The following DRC11 variants were observed in gnomAD, a reference collection of about 807,000 sequenced individuals.
The protein encoded by DRC11 is dynein regulatory complex subunit 11.
At chr2:236,390,817 G>T in the DRC11 span, among the ~76,000 whole-genome samples, 1 of 152,274 alleles carries the variant, frequency 6.6e-6, no homozygotes, top group Admixed American at 6.5e-5. This position sits in a 1 kb window ranked among gnomAD's most constrained non-coding sequence, Gnocchi z 5.9. Context: ...GGGTGGGCCT[G>T]GTGTCAGGGT....
At chr2:236,459,459 A>C in the DRC11 span, among the ~76,000 whole-genome samples, 3 of 149,626 alleles carry the variant, frequency 2.0e-5, no homozygotes, top group Non-Finnish European at 3.0e-5. Context: ...TTGGAGAAAG[A>C]ATTCCTAAAA....
the DRC11 span, among the ~76,000 whole-genome samples, chr2:236,316,451 C>T: frequency 2.0e-5 from 3 of 152,172 alleles, no homozygotes; most frequent in Non-Finnish European, 4.4e-5. The surrounding 1 kb of genome is among the most constrained non-coding windows in gnomAD (Gnocchi z 6.8). Context: ...GCATGAGCCA[C>T]CGCAAGAACT....
chr2:236,313,984 G>C, the DRC11 span, among the ~76,000 whole-genome samples: 15 of 152,240 alleles, frequency 9.9e-5, no homozygotes, highest in African/African-American at 3.1e-4. The surrounding 1 kb of genome is among the most constrained non-coding windows in gnomAD (Gnocchi z 4.5). Context: ...TTGTTCTTTT[G>C]TATCTTGGCT....
the DRC11 span, chr2:236,380,487 C>T: frequency 9.2e-7 from 1 of 1,092,648 alleles, no homozygotes; most frequent in Non-Finnish European, 1.4e-6. This position sits in a 1 kb window ranked among gnomAD's most constrained non-coding sequence, Gnocchi z 4.9. Context: ...CGTGGCATCA[C>T]AGAGGGGGCG....
the DRC11 span, among the ~76,000 whole-genome samples, chr2:236,450,183 G>C: frequency 6.6e-6 from 1 of 151,806 alleles, no homozygotes; most frequent in African/African-American, 2.4e-5. Context: ...TTTGATTATT[G>C]ACTTTATAAT....
chr2:236,446,222 G>A, the DRC11 span, among the ~76,000 whole-genome samples: 3 of 152,132 alleles, frequency 2.0e-5, no homozygotes, highest in Non-Finnish European at 4.4e-5. The surrounding 1 kb of genome is among the most constrained non-coding windows in gnomAD (Gnocchi z 6.2). Context: ...GTTGTTAATC[G>A]TAAGGAAGCT....
At chr2:236,307,907 A>G in the DRC11 span, among the ~76,000 whole-genome samples, 1 of 152,120 alleles carries the variant, frequency 6.6e-6, no homozygotes, top group African/African-American at 2.4e-5. The surrounding 1 kb of genome is among the most constrained non-coding windows in gnomAD (Gnocchi z 7.0). Context: ...GTGTCCTCAT[A>G]TGCTTGCGGG....
At chr2:236,475,881 A>G in the DRC11 span, among the ~76,000 whole-genome samples, 1 of 152,184 alleles carries the variant, frequency 6.6e-6, no homozygotes, top group African/African-American at 2.4e-5. The surrounding 1 kb of genome is among the most constrained non-coding windows in gnomAD (Gnocchi z 4.8). Context: ...AATTGGCTGT[A>G]AATGCATGGA....
the DRC11 span, among the ~76,000 whole-genome samples, chr2:236,371,098 G>A: frequency 6.6e-6 from 1 of 152,098 alleles, no homozygotes; most frequent in Admixed American, 6.5e-5. The surrounding 1 kb of genome is among the most constrained non-coding windows in gnomAD (Gnocchi z 5.1). Flanking sequence ...ACATCCATCC[G>A]GGCAACCACA....
chr2:236,432,872 T>TC, the DRC11 span, among the ~76,000 whole-genome samples: 4 of 152,180 alleles, frequency 2.6e-5, no homozygotes, highest in Non-Finnish European at 5.9e-5. Flanking sequence ...TTTCTTAGCT[T>TC]CTTCTAGTCC....
the DRC11 span, among the ~76,000 whole-genome samples, chr2:236,325,314 A>T: frequency 6.6e-6 from 1 of 152,168 alleles, no homozygotes; most frequent in African/African-American, 2.4e-5. The surrounding 1 kb of genome is among the most constrained non-coding windows in gnomAD (Gnocchi z 4.4). Flanking sequence ...GGGTTTATAA[A>T]CTTTATAGTA....
chr2:236,404,213 GA>G, the DRC11 span, among the ~76,000 whole-genome samples: 3 of 145,976 alleles, frequency 2.1e-5, no homozygotes, highest in South Asian at 2.2e-4. Flanking sequence ...AAAGAAAAAA[GA>G]AAAAAAATCC....
At chr2:236,357,643 A>AATATATAAT in the DRC11 span, among the ~76,000 whole-genome samples, 1 of 41,438 alleles carries the variant, frequency 2.4e-5, no homozygotes, top group Non-Finnish European at 4.8e-5. Context: ...ATAATATGTA[A>AATATATAAT]ATATATAAAT....
At chr2:236,310,302 A>T in the DRC11 span, among the ~76,000 whole-genome samples, 14 of 152,294 alleles carry the variant, frequency 9.2e-5, no homozygotes, top group African/African-American at 3.4e-4. This position sits in a 1 kb window ranked among gnomAD's most constrained non-coding sequence, Gnocchi z 5.5. Flanking sequence ...GGAGGATGGC[A>T]CAGAAACATC....
At chr2:236,468,241 C>A in the DRC11 span, among the ~76,000 whole-genome samples, 1 of 152,214 alleles carries the variant, frequency 6.6e-6, no homozygotes, top group South Asian at 2.1e-4. Context: ...CAGGTGCACA[C>A]CACCACACCT....
the DRC11 span, among the ~76,000 whole-genome samples, chr2:236,413,733 T>C: frequency 6.6e-6 from 1 of 152,344 alleles, no homozygotes; most frequent in East Asian, 1.9e-4. This position sits in a 1 kb window ranked among gnomAD's most constrained non-coding sequence, Gnocchi z 4.0. Flanking sequence ...GGAGTGCATT[T>C]AGAGAAGACT....
the DRC11 span, among the ~76,000 whole-genome samples, chr2:236,459,534 C>CGT: frequency 4.1e-4 from 29 of 70,096 alleles, 1 homozygote; most frequent in African/African-American, 2.8e-4. Flanking sequence ...TACATGTATA[C>CGT]GTATACGTAT....
chr2:236,392,395 A>G, the DRC11 span: 2 of 1,084,036 alleles, frequency 1.8e-6, no homozygotes, highest in Non-Finnish European at 2.7e-6. The surrounding 1 kb of genome is among the most constrained non-coding windows in gnomAD (Gnocchi z 5.1). Context: ...AAAAATTTTA[A>G]AAAGATATAG....
the DRC11 span, among the ~76,000 whole-genome samples, chr2:236,314,240 A>G: frequency 2.5e-4 from 38 of 152,236 alleles, no homozygotes; most frequent in Non-Finnish European, 4.6e-4. The surrounding 1 kb of genome is among the most constrained non-coding windows in gnomAD (Gnocchi z 4.5). Context: ...CATGGTAACA[A>G]AAGGAGAAAG....
Sources: gnomAD v4.1 joint callset for allele counts (sites outside exome capture counted in the v4.1 genomes callset) on GRCh38, gnomAD v4.1.1 for gene constraint, Gnocchi (gnomAD v3.1) non-coding constraint, MANE v1.5 for transcripts, NCBI Gene and HGNC (gene_info 2026-07-23, HGNC 2026-07-21) for gene names.